The following GRM8 variants were observed in gnomAD, a reference collection of about 807,000 sequenced individuals.
The protein encoded by GRM8 is metabotropic glutamate receptor 8.
In GRM8, 47 loss-of-function variants were observed where a neutral mutation model predicts 87.2. The observed-to-expected ratio is 0.54, with a 90% CI of 0.43 to 0.69. The LOEUF (loss-of-function observed/expected upper bound fraction) is 0.69. GRM8 is among the 30% of genes least tolerant of loss of function. The pLI is 0.00. For missense variants in GRM8, 1,019 were observed against 1,139.2 expected, an observed-to-expected ratio of 0.89 and a Z score of 1.52; for synonymous variants, 396 against 404.5, an observed-to-expected ratio of 0.98 and a Z score of 0.25.
In GRM8 at chr7:126,786,311, A is replaced by T. The variant is rs183896918; in HGVS notation, c.1157-16246T>A. Among the ~76,000 whole-genome samples, 101 of 152,338 alleles carry T rather than the reference A, an allele frequency of 6.6e-4. 1 individual carries two copies. The highest frequency in any genetic ancestry group is 2.2e-3 in the African/African-American group (90 of 41,574). On this transcript the variant is annotated intron_variant, in intron 6 of 10. Coordinates refer to ENST00000339582, the MANE Select transcript of GRM8 (RefSeq NM_000845.3). ...CTTTTCTAGTTTCACCTACTCACCA[A>T]ATTAACGAACTTTTTAATGAACCAA...
At chr7:126,963,945 A>G (rs1258798199) in intron 3 of GRM8, among the ~76,000 whole-genome samples, 2 of 152,202 alleles carry the variant, frequency 1.3e-5, no homozygotes, top group African/African-American at 2.4e-5. Flanking sequence ...CCAAAACAAC[A>G]TAGTACTAGT....
At chr7:126,898,446 A>G (rs1288465579) in intron 6 of GRM8, among the ~76,000 whole-genome samples, 3 of 152,188 alleles carry the variant, frequency 2.0e-5, no homozygotes, top group African/African-American at 7.2e-5. Context: ...TTTTCCACCC[A>G]GAGACAAGTT....
At chr7:127,197,706 G>A (rs180801830) in intron 2 of GRM8, among the ~76,000 whole-genome samples, 1 of 152,174 alleles carries the variant, frequency 6.6e-6, no homozygotes, top group East Asian at 1.9e-4. Flanking sequence ...ATTTGTTTGT[G>A]AGAACAAAGT....
At chr7:127,045,403 T>C (rs947564052) in intron 3 of GRM8, among the ~76,000 whole-genome samples, 1 of 152,138 alleles carries the variant, frequency 6.6e-6, no homozygotes, top group Non-Finnish European at 1.5e-5. Context: ...ACCTTTGTTT[T>C]CGGTCTTCAG....
chr7:127,020,489 G>A (rs1364967592), intron 3 of GRM8, among the ~76,000 whole-genome samples: 1 of 152,066 alleles, frequency 6.6e-6, no homozygotes, highest in East Asian at 1.9e-4. Flanking sequence ...TCCCTGATGA[G>A]TTGTCTTTCT....
At chr7:126,491,266 C>T (rs1027753789) in intron 9 of GRM8, among the ~76,000 whole-genome samples, 1 of 152,010 alleles carries the variant, frequency 6.6e-6, no homozygotes, top group Admixed American at 6.6e-5. Context: ...TCCATAGACC[C>T]TAGACAATTT....
rs144060017 is a variant in GRM8 at position 126,906,617 on chromosome 7, G to C, written c.728-1934C>G. On this transcript the variant is annotated intron_variant, in intron 3 of 10. Transcript: ENST00000339582. ...TATGCTGAGCTTTATGCTTTAGGTA[G>C]ACTTTCAAAGAAGAAACGTCTGGTA... Among the ~76,000 whole-genome samples, 13 of 152,328 alleles carry C rather than the reference G, an allele frequency of 8.5e-5. No homozygotes were observed. In the East Asian group the frequency reaches 2.3e-3, roughly 27 times the overall value.
At chr7:126,841,695 T>TC (rs1796281439) in intron 6 of GRM8, among the ~76,000 whole-genome samples, 2 of 151,868 alleles carry the variant, frequency 1.3e-5, no homozygotes, top group Admixed American at 1.3e-4. Context: ...TGGTGCAATC[T>TC]CCGCTCACTG....
At chr7:126,696,359 T>C (rs1432002229) in intron 7 of GRM8, among the ~76,000 whole-genome samples, 2 of 152,098 alleles carry the variant, frequency 1.3e-5, no homozygotes, top group Non-Finnish European at 2.9e-5. Flanking sequence ...ATTAGCTATT[T>C]GATATTGATG....
intron 7 of GRM8, among the ~76,000 whole-genome samples, chr7:126,753,483 T>C (rs925256836): frequency 3.3e-5 from 5 of 151,598 alleles, no homozygotes; most frequent in Non-Finnish European, 7.4e-5. Flanking sequence ...TATACACACA[T>C]ACACACACAT....
chr7:126,660,294 A>G (rs1230130913), intron 7 of GRM8, among the ~76,000 whole-genome samples: 1 of 152,192 alleles, frequency 6.6e-6, no homozygotes, highest in Non-Finnish European at 1.5e-5. Flanking sequence ...ACTAATAAGT[A>G]GTACTAGTAT....
chr7:126,819,394 A>G (rs908065882), intron 6 of GRM8, among the ~76,000 whole-genome samples: 8 of 152,110 alleles, frequency 5.3e-5, no homozygotes, highest in African/African-American at 1.9e-4. Context: ...TCATTTTCAC[A>G]TTCCTACAAA....
intron 10 of GRM8, among the ~76,000 whole-genome samples, chr7:126,443,932 C>A (rs1801729447): frequency 6.6e-6 from 1 of 151,848 alleles, no homozygotes; most frequent in Non-Finnish European, 1.5e-5. Context: ...TGTATTTATT[C>A]TTTTAAAGTG....
At chr7:126,840,524 C>A (rs951057541) in intron 6 of GRM8, among the ~76,000 whole-genome samples, 7 of 152,058 alleles carry the variant, frequency 4.6e-5, no homozygotes, top group African/African-American at 1.7e-4. Context: ...ATATTGTTAT[C>A]ATAACCACGT....
chr7:127,056,113 T>C (rs1819958744), intron 3 of GRM8, among the ~76,000 whole-genome samples: 2 of 150,866 alleles, frequency 1.3e-5, no homozygotes, highest in African/African-American at 2.4e-5. Flanking sequence ...AAGTTTAAAT[T>C]AGGTTTCATT....
At chr7:126,477,637 A>G (rs1240825018) in intron 9 of GRM8, among the ~76,000 whole-genome samples, 1 of 151,034 alleles carries the variant, frequency 6.6e-6, no homozygotes, top group Non-Finnish European at 1.5e-5. Context: ...GAAAGAAAGA[A>G]AAAACGAAAG....
At chr7:127,160,778 A>C (rs1236653451) in intron 2 of GRM8, among the ~76,000 whole-genome samples, 2 of 150,790 alleles carry the variant, frequency 1.3e-5, no homozygotes, top group East Asian at 2.0e-4. Flanking sequence ...CCAGGGATAG[A>C]GGTCACCCCC....
At chr7:127,167,804 C>A (rs1793544168) in intron 2 of GRM8, among the ~76,000 whole-genome samples, 9 of 151,994 alleles carry the variant, frequency 5.9e-5, no homozygotes, top group Admixed American at 5.9e-4. Context: ...AAAATTAGGC[C>A]AATTAGTAAC....
intron 3 of GRM8, among the ~76,000 whole-genome samples, chr7:126,946,535 A>G (rs1807558088): frequency 6.6e-6 from 1 of 152,166 alleles, no homozygotes; most frequent in African/African-American, 2.4e-5. Context: ...GAAAAAGTCA[A>G]AAGAAAGGAA....
Sources: gnomAD v4.1 joint callset for allele counts (sites outside exome capture counted in the v4.1 genomes callset) on GRCh38, gnomAD v4.1.1 for gene constraint, MANE v1.5 for transcripts, NCBI Gene and HGNC (gene_info 2026-07-23, HGNC 2026-07-21) for gene names.